FAF1: variants seen among roughly 807,000 people sequenced by gnomAD.
The protein encoded by FAF1 is Fas associated factor 1.
FAF1 carries 25 observed loss-of-function variants against 92.5 expected under a neutral mutation model. That is an observed-to-expected ratio of 0.27 (90% CI 0.20 to 0.38). The LOEUF (loss-of-function observed/expected upper bound fraction) is 0.38. Among genes scored for constraint, FAF1 ranks in the 10% least tolerant of loss-of-function variants. FAF1 has a pLI of 1.00. For missense variants in FAF1, 636 were observed against 793.3 expected (o/e 0.80, Z 2.38); for synonymous variants, 234 against 273.2 (o/e 0.86, Z 1.42).
rs78412553 is a variant in FAF1 at position 50,479,476 on chromosome 1, A to G, written c.1654-3797T>C. On this transcript the variant is annotated intron_variant, in intron 17 of 18. Transcript: ENST00000396153. ...AGTGCTGAGCATTGATCCTCATGCT[A>G]TATGTAATACTGTGATCAACATATG... 2.9e-3 allele frequency among the ~76,000 whole-genome samples: 443 copies of G among 152,318 alleles called. 4 individuals are homozygous for G. Among genetic ancestry groups the G allele is most frequent in the African/African-American group, 0.01 (420 of 41,566 alleles).
intron 6 of FAF1, among the ~76,000 whole-genome samples, chr1:50,713,853 A>T (rs545238561): frequency 7.1e-6 from 1 of 141,798 alleles, no homozygotes; most frequent in East Asian, 2.1e-4. Flanking sequence ...GGTTCACTGT[A>T]ACCTCTGCCT....
At chr1:50,907,788 T>G (rs1258527953) in intron 1 of FAF1, among the ~76,000 whole-genome samples, 2 of 151,084 alleles carry the variant, frequency 1.3e-5, no homozygotes, top group African/African-American at 4.8e-5. Context: ...TTATTAGTCC[T>G]GCTATCAATT....
At chr1:50,590,256 A>G (rs150538475) in intron 9 of FAF1, among the ~76,000 whole-genome samples, 4 of 152,360 alleles carry the variant, frequency 2.6e-5, no homozygotes, top group African/African-American at 7.2e-5. Context: ...GGGCACTACA[A>G]TATTACGCCT....
chr1:50,701,402 CA>C (rs34415491), intron 7 of FAF1, among the ~76,000 whole-genome samples: 12 of 151,220 alleles, frequency 7.9e-5, no homozygotes, highest in African/African-American at 2.9e-4. Context: ...ACAAACAAAC[CA>C]AAAAAAACAC....
At position 50,612,420 on chromosome 1, in the gene FAF1, T is replaced by C. The variant is rs1048090138; in HGVS notation, c.745-16204A>G. 21 of 1,156,308 alleles carry C rather than the reference T, an allele frequency of 1.8e-5. No individual in the cohort carries two copies. In the Admixed American group the frequency reaches 3.4e-4, roughly 19 times the overall value. 71.6% of individuals were successfully genotyped at this position (1,156,308 alleles called of 1,614,324 possible). On this transcript the variant is annotated intron_variant, in intron 8 of 18. Coordinates refer to ENST00000396153, the MANE Select transcript of FAF1 (RefSeq NM_007051.3). The stretch of plus-strand genomic sequence containing the variant: ...CTCATTATTTTAGAGAGCTACTGTA[T>C]TAATCAGTGGTCATTTCAGCTCATC...
intron 12 of FAF1, among the ~76,000 whole-genome samples, chr1:50,580,843 C>G (rs1195941758): frequency 6.6e-6 from 1 of 152,180 alleles, no homozygotes; most frequent in African/African-American, 2.4e-5. Context: ...ATGATCTTGG[C>G]TCACTGCAAC....
At chr1:50,599,191 C>T (rs1344503696) in intron 8 of FAF1, among the ~76,000 whole-genome samples, 1 of 152,156 alleles carries the variant, frequency 6.6e-6, no homozygotes, top group Non-Finnish European at 1.5e-5. Flanking sequence ...CAGCTCACTG[C>T]AACCTCCACC....
At chr1:50,751,119 C>T (rs1309151430) in intron 4 of FAF1, among the ~76,000 whole-genome samples, 2 of 129,300 alleles carry the variant, frequency 1.5e-5, no homozygotes, top group African/African-American at 5.8e-5. Flanking sequence ...TGAGAAAAAG[C>T]ATTTGACAAT....
Position 50,572,344 on chromosome 1 carries a change from T to C in FAF1, c.1114-5113A>G, listed in dbSNP as rs576969918. Reference sequence around the variant, plus strand: ...GAGAATAATACATTCCCTTACATAATCATCATATTTATATCACACCTAAGA... The same window carrying C: ...GAGAATAATACATTCCCTTACATAACCATCATATTTATATCACACCTAAGA... On this transcript the variant is annotated intron_variant, in intron 12 of 18. Coordinates refer to ENST00000396153, the MANE Select transcript of FAF1 (RefSeq NM_007051.3). Among the ~76,000 whole-genome samples, 357 of 152,284 alleles carry C rather than the reference T, an allele frequency of 2.3e-3. 1 individual carries two copies. The highest frequency in any genetic ancestry group is 8.4e-3 in the African/African-American group (348 of 41,554).
intron 15 of FAF1, among the ~76,000 whole-genome samples, chr1:50,522,473 G>A (rs1647553336): frequency 6.6e-6 from 1 of 152,162 alleles, no homozygotes; most frequent in Non-Finnish European, 1.5e-5. Context: ...CTTGGCCCTA[G>A]CAATTCACAG....
intron 18 of FAF1, among the ~76,000 whole-genome samples, chr1:50,457,738 AAAAAAAAAT>A (rs1646372165): frequency 6.7e-6 from 1 of 148,868 alleles, no homozygotes; most frequent in Non-Finnish European, 1.5e-5. Flanking sequence ...AAAAAAAAAA[AAAAAAAAAT>A]ACAAAAATTA....
chr1:50,498,890 AC>A (rs1469592766), intron 15 of FAF1, among the ~76,000 whole-genome samples: 4 of 151,976 alleles, frequency 2.6e-5, no homozygotes, highest in Non-Finnish European at 5.9e-5. Flanking sequence ...ACTTGAATAG[AC>A]ATTTTCCAGA....
chr1:50,541,171 A>G (rs1648741656), intron 13 of FAF1, among the ~76,000 whole-genome samples: 1 of 152,238 alleles, frequency 6.6e-6, no homozygotes, highest in South Asian at 2.1e-4. Flanking sequence ...TCAGAAATTT[A>G]GACTGAATCC....
rs114718546 is a variant in FAF1, at chr1:50,893,864, G to A, written c.46-35867C>T. On this transcript the variant is annotated intron_variant, in intron 1 of 18. Transcript: ENST00000396153. ...GTCAAACACCTTAGAAACCTACCTGGTATTCTATTGTACTGCGGCTGAACT... is the reference window on the plus strand; with the variant it reads ...GTCAAACACCTTAGAAACCTACCTGATATTCTATTGTACTGCGGCTGAACT... 5.5e-3 allele frequency among the ~76,000 whole-genome samples: 839 copies of A among 152,224 alleles called. 5 individuals are homozygous for A. The highest frequency in any genetic ancestry group is 0.018 in the African/African-American group (768 of 41,544).
At chr1:50,728,976 A>G (rs1358074407) in intron 6 of FAF1, among the ~76,000 whole-genome samples, 5 of 148,324 alleles carry the variant, frequency 3.4e-5, no homozygotes, top group Non-Finnish European at 7.4e-5. Flanking sequence ...ATTAAATAGT[A>G]AGGCTGAGAG....
At chr1:50,774,314 C>T (rs1660877527) in intron 4 of FAF1, among the ~76,000 whole-genome samples, 1 of 152,140 alleles carries the variant, frequency 6.6e-6, no homozygotes, top group Non-Finnish European at 1.5e-5. Flanking sequence ...ATTTATTACT[C>T]ATAAAGCATG....
chr1:50,614,998 T>C (rs968600955), intron 8 of FAF1, among the ~76,000 whole-genome samples: 3 of 152,192 alleles, frequency 2.0e-5, no homozygotes, highest in Non-Finnish European at 4.4e-5. Context: ...ACCCAGGTAG[T>C]GAGCATACTA....
intron 7 of FAF1, among the ~76,000 whole-genome samples, chr1:50,696,009 T>C (rs1458090000): frequency 6.6e-6 from 1 of 150,828 alleles, no homozygotes; most frequent in Non-Finnish European, 1.5e-5. Context: ...GGAAATTCTA[T>C]CAATATTATT....
At chr1:50,530,030 C>T (rs1452553708) in intron 15 of FAF1, among the ~76,000 whole-genome samples, 1 of 152,102 alleles carries the variant, frequency 6.6e-6, no homozygotes, top group Non-Finnish European at 1.5e-5. Flanking sequence ...ACCTAATCAT[C>T]AACAGTTAAC....
Sources: allele counts gnomAD v4.1 joint callset (sites outside exome capture counted in the v4.1 genomes callset), GRCh38; gene constraint gnomAD v4.1.1; transcripts MANE v1.5; gene names NCBI Gene and HGNC (gene_info 2026-07-23, HGNC 2026-07-21).